CTBP2: variants seen among roughly 807,000 people sequenced by gnomAD.
The protein encoded by CTBP2 is C-terminal-binding protein 2.
In CTBP2, 30 loss-of-function variants were observed where a neutral mutation model predicts 80.3. The ratio of observed to expected loss-of-function variants is 0.37; its 90% CI spans 0.28 to 0.51. CTBP2 has a LOEUF of 0.51. CTBP2 is among the 20% of genes least tolerant of loss of function. The probability of loss-of-function intolerance (pLI) is 0.93; values close to 1 mark genes in which losing one functional copy is unlikely to be tolerated. For missense variants in CTBP2, 1,212 were observed against 1,375.3 expected (o/e 0.88, Z 1.88); for synonymous variants, 594 against 587.4 (o/e 1.01, Z -0.16).
At chr10:125,083,445 T>C (rs1015120214) in intron 2 of CTBP2, among the ~76,000 whole-genome samples, 2 of 152,128 alleles carry the variant, frequency 1.3e-5, no homozygotes, top group Admixed American at 6.5e-5. Context: ...CTGACAGCCA[T>C]GTGCAGACCC....
chr10:125,003,533 G>A (rs1325089088), intron 1 of CTBP2, 41 bp from the exon 4 acceptor site: 1 of 1,484,828 alleles, frequency 6.7e-7, no homozygotes, highest in Non-Finnish European at 9.0e-7. Context: ...GTGGGTGGCT[G>A]GGGCCACAGG....
intron 1 of CTBP2, among the ~76,000 whole-genome samples, chr10:125,014,305 T>C (rs1014319955): frequency 6.6e-6 from 1 of 152,140 alleles, no homozygotes; most frequent in Non-Finnish European, 1.5e-5. Flanking sequence ...CTACAAAATT[T>C]ACTGGGCGTG....
intron 2 of CTBP2, among the ~76,000 whole-genome samples, chr10:125,103,899 C>A (rs1851035479): frequency 6.6e-6 from 1 of 152,198 alleles, no homozygotes; most frequent in South Asian, 2.1e-4. Flanking sequence ...GCCTCTCCCC[C>A]TACATCCCTG....
chr10:125,062,457 A>AACGCCACCC (rs1965159298), intron 2 of CTBP2, among the ~76,000 whole-genome samples: 1 of 151,728 alleles, frequency 6.6e-6, no homozygotes, highest in Non-Finnish European at 1.5e-5. Flanking sequence ...ACGTGGGGAC[A>AACGCCACCC]ACTCTGAAGG....
chr10:125,051,734 A>AC (rs1260592795), intron 2 of CTBP2, among the ~76,000 whole-genome samples: 7 of 151,904 alleles, frequency 4.6e-5, no homozygotes, highest in Non-Finnish European at 8.8e-5. Context: ...TGAATTATGG[A>AC]CCCCCCTAAT....
chr10:125,083,773 C>A (rs563804189), intron 2 of CTBP2, among the ~76,000 whole-genome samples: 1 of 152,250 alleles, frequency 6.6e-6, no homozygotes, highest in East Asian at 1.9e-4. Context: ...TCACACCCAG[C>A]TAAAGTTTTT....
chr10:125,054,683 A>C (rs757593390), intron 2 of CTBP2, among the ~76,000 whole-genome samples: 1 of 152,240 alleles, frequency 6.6e-6, no homozygotes, highest in Non-Finnish European at 1.5e-5. Flanking sequence ...TATCACACTG[A>C]CTATGGTCAC....
At chr10:125,050,861 T>A (rs1962563256) in intron 2 of CTBP2, among the ~76,000 whole-genome samples, 1 of 152,196 alleles carries the variant, frequency 6.6e-6, no homozygotes, top group African/African-American at 2.4e-5. Context: ...GATGAGAATC[T>A]TCTAGAGAAC....
chr10:125,137,764 A>G (rs1223646333), intron 1 of CTBP2, among the ~76,000 whole-genome samples: 3 of 152,146 alleles, frequency 2.0e-5, no homozygotes, highest in Admixed American at 2.0e-4. Context: ...GCCTCTAGCA[A>G]TCACCTCCAC....
intron 3 of CTBP2, 98 bp downstream of exon 5, chr10:125,002,862 C>T: frequency 6.8e-7 from 1 of 1,469,088 alleles, no homozygotes; most frequent in Non-Finnish European, 9.2e-7. Context: ...GAAGCGGCTG[C>T]TCCGTGGTCC....
intron 1 of CTBP2, among the ~76,000 whole-genome samples, chr10:125,158,937 C>G (rs906557765): frequency 6.6e-6 from 1 of 151,942 alleles, no homozygotes; most frequent in African/African-American, 2.4e-5. Context: ...TCGGCGCGGC[C>G]CGCGGTGACC....
At chr10:125,056,390 T>C (rs976500348) in intron 2 of CTBP2, among the ~76,000 whole-genome samples, 1 of 152,146 alleles carries the variant, frequency 6.6e-6, no homozygotes, top group Non-Finnish European at 1.5e-5. Context: ...CCAGCACAGA[T>C]GTCTGTCAGC....
At chr10:125,013,942 G>T (rs1956206941) in intron 1 of CTBP2, among the ~76,000 whole-genome samples, 1 of 152,154 alleles carries the variant, frequency 6.6e-6, no homozygotes, top group Non-Finnish European at 1.5e-5. Flanking sequence ...CTCTTTTACT[G>T]CAGGAATGTG....
intron 1 of CTBP2, among the ~76,000 whole-genome samples, chr10:125,010,590 C>T (rs552637889): frequency 1.3e-5 from 2 of 152,324 alleles, no homozygotes; most frequent in South Asian, 4.1e-4. Context: ...TCGATCCCCA[C>T]ATTCTTCCTG....
chr10:125,145,712 C>T (rs1030201242), intron 1 of CTBP2, among the ~76,000 whole-genome samples: 5 of 152,136 alleles, frequency 3.3e-5, no homozygotes, highest in African/African-American at 4.8e-5. Context: ...GCACCACCGT[C>T]CCTAATAATA....
At chr10:125,068,614 C>T (rs530247684) in intron 2 of CTBP2, among the ~76,000 whole-genome samples, 50 of 152,298 alleles carry the variant, frequency 3.3e-4, no homozygotes, top group Non-Finnish European at 6.3e-4. Context: ...CTGGCTGTCC[C>T]GGAACAAGAT....
intron 2 of CTBP2, among the ~76,000 whole-genome samples, chr10:125,085,379 C>T (rs551152051): frequency 3.3e-5 from 5 of 152,308 alleles, no homozygotes; most frequent in Non-Finnish European, 7.3e-5. Context: ...CCGTCTCCTT[C>T]CTGTACACAC....
chr10:125,114,393 G>A (rs77399055), intron 1 of CTBP2, among the ~76,000 whole-genome samples: 4,711 of 151,742 alleles, frequency 0.031, 108 homozygotes, highest in Middle Eastern at 0.092. Flanking sequence ...TCCCAGAAGA[G>A]AACCGCAGCA....
intron 3 of CTBP2, among the ~76,000 whole-genome samples, chr10:125,034,384 C>T (rs1958616782): frequency 6.6e-6 from 1 of 152,198 alleles, no homozygotes. Context: ...TGGCTGTTTC[C>T]TGAACCTTTA....
Sources: gnomAD v4.1 joint callset for allele counts (sites outside exome capture counted in the v4.1 genomes callset) on GRCh38, gnomAD v4.1.1 for gene constraint, MANE v1.5 for transcripts, NCBI Gene and HGNC (gene_info 2026-07-23, HGNC 2026-07-21) for gene names.